The following GRHL2 variants were observed in gnomAD, a reference collection of about 807,000 sequenced individuals.
GRHL2 encodes grainyhead like transcription factor 2.
Under a neutral mutation model 83.8 loss-of-function variants are expected in GRHL2, and 21 were observed. The ratio of observed to expected loss-of-function variants is 0.25; its 90% CI spans 0.18 to 0.36. GRHL2 has a LOEUF of 0.36. Ranked by LOEUF, GRHL2 falls within the 10% of genes least tolerant of loss-of-function variation. The pLI, the probability that GRHL2 is intolerant of heterozygous loss-of-function variation, is 1.00. For missense variants in GRHL2, 623 were observed against 781.8 expected, an observed-to-expected ratio of 0.80 and a Z score of 2.42; for synonymous variants, 280 against 278.9, an observed-to-expected ratio of 1.00 and a Z score of -0.04.
intron 5 of GRHL2, 36 bp downstream of exon 5, chr8:101,570,430 T>G: frequency 6.6e-7 from 1 of 1,511,460 alleles, no homozygotes; most frequent in Non-Finnish European, 9.2e-7. Context: ...AGAAACTGAT[T>G]AACTGATAAA....
chr8:101,519,055 C>G (rs201910818), intron 1 of GRHL2, among the ~76,000 whole-genome samples: 1 of 17,528 alleles, frequency 5.7e-5, no homozygotes, highest in Non-Finnish European at 2.8e-4. Flanking sequence ...AATTTCTGTC[C>G]ATTTTTGTTA....
Position 101,520,053 on chromosome 8 carries a change from G to A in GRHL2, c.21-23188G>A, listed in dbSNP as rs1810652274. 3.3e-5 allele frequency among the ~76,000 whole-genome samples: 5 copies of A among 152,288 alleles called. No homozygotes were observed. In the South Asian group the frequency reaches 1.0e-3, roughly 32 times the overall value. Reference sequence around the variant, plus strand: ...AATTTTAGATCAAACTTATCATAAAGTCAATTTGTTTGCCCTATCTCCTTT... The same window carrying A: ...AATTTTAGATCAAACTTATCATAAAATCAATTTGTTTGCCCTATCTCCTTT... On this transcript the variant is annotated intron_variant, in intron 1 of 15. Transcript: ENST00000646743.
In GRHL2 at chr8:101,614,030, T is replaced by G. The variant is rs1215682349; in HGVS notation, c.1099-5509T>G. On this transcript the variant is annotated intron_variant, in intron 8 of 15. Coordinates refer to ENST00000646743, the MANE Select transcript of GRHL2 (RefSeq NM_024915.4). The stretch of plus-strand genomic sequence containing the variant: ...CTGAATCAAAGGTAGGCCCATTTAT[T>G]TTAATGGAAAGCTCTCAGAAAAAGC... 1.3e-4 allele frequency among the ~76,000 whole-genome samples: 19 copies of G among 151,124 alleles called. 1 individual carries two copies. The highest frequency in any genetic ancestry group is 1.2e-3 in the Admixed American group (19 of 15,232).
intron 5 of GRHL2, among the ~76,000 whole-genome samples, chr8:101,572,562 G>A (rs1001140376): frequency 6.6e-6 from 1 of 152,056 alleles, no homozygotes; most frequent in Non-Finnish European, 1.5e-5. Flanking sequence ...GCCTTCCAAC[G>A]ACTATGAAAT....
intron 7 of GRHL2, among the ~76,000 whole-genome samples, chr8:101,592,040 C>T (rs1762516277): frequency 6.7e-6 from 1 of 150,290 alleles, no homozygotes; most frequent in African/African-American, 2.4e-5. Context: ...GTCACATGGA[C>T]TTCATTGACA....
Position 101,667,666 on chromosome 8 carries a change from C to G in GRHL2, c.*963C>G, listed in dbSNP as rs1179311172. On this transcript the variant is annotated 3_prime_UTR_variant, in exon 16 of 16. Transcript: ENST00000646743. ...CAATGATGTGTTTTGCTTGACTTTC[C>G]CTTTGCGCTGTCTCGTGGGAAAGGT... 1.3e-5 allele frequency: 2 copies of G among 152,422 alleles called. No individual in the cohort carries two copies. The highest frequency in any genetic ancestry group is 3.9e-4 in the East Asian group (2 of 5,190). The allele number at this position is 152,422 out of a possible 1,614,324, so 9.4% of individuals were successfully genotyped here.
At chr8:101,612,685 C>T (rs1586144101) in intron 8 of GRHL2, among the ~76,000 whole-genome samples, 1 of 150,962 alleles carries the variant, frequency 6.6e-6, no homozygotes, top group East Asian at 1.9e-4. Context: ...TCATATTAAT[C>T]TCTGCTCTTA....
At chr8:101,551,476 T>A (rs1048732063) in intron 2 of GRHL2, among the ~76,000 whole-genome samples, 2 of 151,908 alleles carry the variant, frequency 1.3e-5, no homozygotes, top group African/African-American at 4.8e-5. Context: ...GTGTACATAG[T>A]CAGGTAAGTG....
At chr8:101,630,284 A>G (rs1342091367) in intron 9 of GRHL2, among the ~76,000 whole-genome samples, 1 of 152,166 alleles carries the variant, frequency 6.6e-6, no homozygotes, top group Non-Finnish European at 1.5e-5. Context: ...AGCCAATTTG[A>G]TAAACAAAAA....
At chr8:101,568,895 A>G (rs1447772303) in intron 4 of GRHL2, among the ~76,000 whole-genome samples, 5 of 152,210 alleles carry the variant, frequency 3.3e-5, no homozygotes, top group Non-Finnish European at 7.3e-5. Context: ...AAGATTGGAT[A>G]AAAAGAAGGA....
intron 5 of GRHL2, 70 bp from the exon 6 acceptor site, chr8:101,573,598 T>G: frequency 6.4e-7 from 1 of 1,561,236 alleles, no homozygotes; most frequent in South Asian, 1.1e-5. Flanking sequence ...AATGCTATGA[T>G]GTGAAATTGG....
At chr8:101,635,897 G>C (rs1372708461) in intron 11 of GRHL2, among the ~76,000 whole-genome samples, 2 of 152,176 alleles carry the variant, frequency 1.3e-5, no homozygotes, top group African/African-American at 4.8e-5. Flanking sequence ...AGCATCCCAG[G>C]AACTGCCAAG....
intron 14 of GRHL2, 43 bp downstream of exon 14, chr8:101,649,542 TTC>T (rs1319324208): frequency 4.2e-6 from 6 of 1,436,234 alleles, no homozygotes; most frequent in Middle Eastern, 1.7e-4. Context: ...ACCTGCTGTG[TTC>T]TCTCTCCTCT....
rs149209643 is a variant in GRHL2 at position 101,500,669 on chromosome 8, C to T, written c.20+7880C>T. ...GACTATAGGTGTGCGCCACTATGCC[C>T]GGCTAATTTTTTGGTATTTTTAGTA... On this transcript the variant is annotated intron_variant, in intron 1 of 15. Transcript: ENST00000646743. Among the ~76,000 whole-genome samples, 74 of 152,172 alleles carry T rather than the reference C, an allele frequency of 4.9e-4. No individual in the cohort carries two copies. The East Asian group carries it at 0.013, about 27-fold the overall frequency.
chr8:101,601,662 C>T (rs1812517204), intron 8 of GRHL2, among the ~76,000 whole-genome samples: 1 of 152,104 alleles, frequency 6.6e-6, no homozygotes, highest in East Asian at 1.9e-4. Flanking sequence ...TTTTATATTG[C>T]AAAATTTTTT....
chr8:101,600,717 A>G (rs1230560877), intron 8 of GRHL2, among the ~76,000 whole-genome samples: 1 of 152,242 alleles, frequency 6.6e-6, no homozygotes, highest in Non-Finnish European at 1.5e-5. Context: ...AGCCAGCATC[A>G]TGCTGAGGGC....
chr8:101,535,195 T>C (rs1319029100), intron 1 of GRHL2, among the ~76,000 whole-genome samples: 2 of 152,226 alleles, frequency 1.3e-5, no homozygotes, highest in Non-Finnish European at 2.9e-5. Context: ...AACCTTTGTG[T>C]GTGTTAACAT....
At chr8:101,530,349 T>G (rs1314417079) in intron 1 of GRHL2, among the ~76,000 whole-genome samples, 1 of 152,214 alleles carries the variant, frequency 6.6e-6, no homozygotes, top group African/African-American at 2.4e-5. Flanking sequence ...GCTTGTAAAG[T>G]GCTTTTGTGC....
intron 13 of GRHL2, among the ~76,000 whole-genome samples, chr8:101,645,161 T>G: frequency 7.6e-6 from 1 of 131,752 alleles, no homozygotes; most frequent in African/African-American, 2.9e-5. Context: ...TTTGACAAAG[T>G]CTTGCTCTGT....
Sources: gnomAD v4.1 joint callset for allele counts (sites outside exome capture counted in the v4.1 genomes callset) on GRCh38, gnomAD v4.1.1 for gene constraint, MANE v1.5 for transcripts, NCBI Gene and HGNC (gene_info 2026-07-23, HGNC 2026-07-21) for gene names.